Variants in KCTD3 observed in about 807,000 individuals in gnomAD.
KCTD3 encodes BTB/POZ domain-containing protein KCTD3.
KCTD3 carries 41 observed loss-of-function variants against 85.8 expected under a neutral mutation model. The ratio of observed to expected loss-of-function variants is 0.48; its 90% CI spans 0.37 to 0.62. The LOEUF (loss-of-function observed/expected upper bound fraction) is 0.62. Ranked by LOEUF, KCTD3 falls within the 20% of genes least tolerant of loss-of-function variation. The pLI is 0.00. For missense variants in KCTD3, 724 were observed against 989.9 expected, an observed-to-expected ratio of 0.73 and a Z score of 3.60; for synonymous variants, 338 against 345.4, an observed-to-expected ratio of 0.98 and a Z score of 0.24.
chr1:215,581,833 AAG>A (rs1659836580), intron 8 of KCTD3, among the ~76,000 whole-genome samples: 1 of 152,250 alleles, frequency 6.6e-6, no homozygotes, highest in South Asian at 2.1e-4. Context: ...TTTCAAAAGA[AAG>A]AAAAATATTT....
chr1:215,617,071 C>G lies in KCTD3; in HGVS notation c.1563-1815C>G, dbSNP rs533629587. Among the ~76,000 whole-genome samples the G allele has an allele frequency of 2.7e-3, 406 of 152,316 alleles. 1 individual carries two copies. Among genetic ancestry groups the G allele is most frequent in the Admixed American group, 5.6e-3 (85 of 15,306 alleles). ...GCCATTATAAAATAATAATAATAAA[C>G]TGAGTTCAGAGCGCTTCCAGATAGC... is the stretch of plus-strand genomic sequence containing the variant. On this transcript the variant is annotated intron_variant, in intron 15 of 17. Coordinates refer to ENST00000259154, the MANE Select transcript of KCTD3 (RefSeq NM_016121.5).
In KCTD3 at chr1:215,618,948, A is replaced by G; in HGVS notation, c.1625A>G (p.Glu542Gly). ...TISSFTVREC[E>G]GSSRMGSRPR... Reference sequence around the variant, plus strand: ...TCCTCATTTACAGTGAGGGAATGTGAGGGATCCAGTAGGATGGGCTCAAGA... The same window carrying G: ...TCCTCATTTACAGTGAGGGAATGTGGGGGATCCAGTAGGATGGGCTCAAGA... The change falls in exon 16 of 18, where the codon GAG becomes GGG. Residue 542 changes from glutamate to glycine, a missense_variant. Glu to Gly is a moderately conservative substitution (Grantham distance 98). Transcript: ENST00000259154. 6.2e-7 allele frequency: 1 copy of G among 1,613,672 alleles called. No individual in the cohort carries two copies.
intron 10 of KCTD3, among the ~76,000 whole-genome samples, chr1:215,600,483 G>A (rs2797393): frequency 0.45 from 67,976 of 151,892 alleles, 17,079 homozygotes; most frequent in African/African-American, 0.68. Context: ...TGAGATGGCA[G>A]TTCTTCCCCT....
chr1:215,571,419 G>A (rs1389001331), intron 1 of KCTD3, among the ~76,000 whole-genome samples: 1 of 152,124 alleles, frequency 6.6e-6, no homozygotes, highest in Non-Finnish European at 1.5e-5. Context: ...ATGGGCGTAG[G>A]AACTGCTTAT....
intron 6 of KCTD3, among the ~76,000 whole-genome samples, 192 bp from the exon 7 acceptor site, chr1:215,578,808 C>T (rs1434561403): frequency 6.6e-6 from 1 of 151,636 alleles, no homozygotes; most frequent in East Asian, 1.9e-4. Context: ...AGAATTTTGT[C>T]TTTGTCTTTG....
In KCTD3 at chr1:215,586,884, CT is replaced by C. The variant is rs978928407; in HGVS notation, c.817+202del. Among the ~76,000 whole-genome samples, 8 of 152,244 alleles carry C rather than the reference CT, an allele frequency of 5.3e-5. No homozygotes were observed. The East Asian group carries it at 9.7e-4, about 18-fold the overall frequency. Reference sequence around the variant, plus strand: ...AGACATGGGGAACATCTTTTCACCACTTTAAGTGAAACCTGGCTGCTCTATG... The same window carrying C: ...AGACATGGGGAACATCTTTTCACCACTTAAGTGAAACCTGGCTGCTCTATG... On this transcript the variant is annotated intron_variant, in intron 9 of 17. Coordinates refer to ENST00000259154, the MANE Select transcript of KCTD3 (RefSeq NM_016121.5).
chr1:215,573,941 T>TA, intron 2 of KCTD3, 102 bp downstream of exon 2: 1 of 986,380 alleles, frequency 1.0e-6, no homozygotes, highest in Non-Finnish European at 1.5e-6. Flanking sequence ...GGTTAACTCT[T>TA]AAAATTATAT....
intron 13 of KCTD3, among the ~76,000 whole-genome samples, chr1:215,605,417 C>G (rs1654979552): frequency 6.6e-6 from 1 of 152,114 alleles, no homozygotes; most frequent in Non-Finnish European, 1.5e-5. Context: ...GAGTTTCTAA[C>G]TCTTGCTGGT....
At chr1:215,590,564 A>G (rs1400978124) in intron 9 of KCTD3, among the ~76,000 whole-genome samples, 1 of 151,896 alleles carries the variant, frequency 6.6e-6, no homozygotes, top group African/African-American at 2.4e-5. Flanking sequence ...TTCAGTTTAG[A>G]TATCTTTTAT....
chr1:215,602,077 T>C lies in KCTD3; in HGVS notation c.1022-8T>C. On this transcript the variant is annotated splice_polypyrimidine_tract_variant and splice_region_variant and intron_variant, in intron 11 of 17. Coordinates refer to ENST00000259154, the MANE Select transcript of KCTD3 (RefSeq NM_016121.5). ...ATTTTAATGCTGTTTAAAATTTTTA[T>C]GTTTTAGATATGCAGAAGTTCCCCT... is the stretch of plus-strand genomic sequence containing the variant. 6.5e-7 allele frequency: 1 copy of C among 1,538,196 alleles called. No homozygotes were observed. The highest frequency in any genetic ancestry group is 1.2e-5 in the South Asian group (1 of 86,548).
At chr1:215,588,626 A>G (rs1228537746) in intron 9 of KCTD3, among the ~76,000 whole-genome samples, 1 of 152,110 alleles carries the variant, frequency 6.6e-6, no homozygotes, top group Non-Finnish European at 1.5e-5. Context: ...AATTCATATA[A>G]GTTTTCAACA....
rs1341588126 is a variant in KCTD3 at position 215,569,620 on chromosome 1, G to C, written c.83+1852G>C. 2.2e-5 allele frequency among the ~76,000 whole-genome samples: 3 copies of C among 136,916 alleles called. No homozygotes were observed. The Admixed American group carries it at 2.3e-4, about 11-fold the overall frequency. 89.8% of individuals were successfully genotyped at this position (136,916 alleles called of 152,430 possible). A position where few individuals can be genotyped will look rare whatever the true frequency, so the allele number is the denominator to read the frequency against. ...TTTTTTTTTTTTTTTTTTTGAGACAGAGTCTCGCTCTGTCATCCAGGCTGG... is the reference window on the plus strand; with the variant it reads ...TTTTTTTTTTTTTTTTTTTGAGACACAGTCTCGCTCTGTCATCCAGGCTGG... On this transcript the variant is annotated intron_variant, in intron 1 of 17. Coordinates refer to ENST00000259154, the MANE Select transcript of KCTD3 (RefSeq NM_016121.5).
intron 8 of KCTD3, among the ~76,000 whole-genome samples, chr1:215,582,956 A>G (rs1217250810): frequency 6.6e-6 from 1 of 152,190 alleles, no homozygotes; most frequent in Non-Finnish European, 1.5e-5. Flanking sequence ...GTAAATTCAC[A>G]TATCTTATTA....
rs191965347 is a variant in KCTD3, at chr1:215,594,573, C to A, written c.818-783C>A. Among the ~76,000 whole-genome samples, 275 of 152,294 alleles carry A rather than the reference C, an allele frequency of 1.8e-3. 3 individuals are homozygous for A. Among genetic ancestry groups the A allele is most frequent in the African/African-American group, 6.1e-3 (255 of 41,574 alleles). ...CTAAGATATATTTTCAACCCCCTTT[C>A]CATACCCTTTTTACCCCATAGATAC... On this transcript the variant is annotated intron_variant, in intron 9 of 17. Coordinates refer to ENST00000259154, the MANE Select transcript of KCTD3 (RefSeq NM_016121.5).
chr1:215,587,795 T>C (rs139810472), intron 9 of KCTD3, among the ~76,000 whole-genome samples: 3 of 152,358 alleles, frequency 2.0e-5, no homozygotes, highest in East Asian at 1.9e-4. Flanking sequence ...CAGTGAACTT[T>C]TCATATTCTG....
chr1:215,604,822 T>C (rs1654953194), intron 13 of KCTD3, among the ~76,000 whole-genome samples: 1 of 151,890 alleles, frequency 6.6e-6, no homozygotes, highest in East Asian at 1.9e-4. Flanking sequence ...ATGTGTATTT[T>C]GATATTTTGT....
intron 12 of KCTD3, 86 bp downstream of exon 12, chr1:215,602,287 GTTTA>G (rs1654860947): frequency 1.5e-6 from 1 of 673,110 alleles, no homozygotes; most frequent in Non-Finnish European, 2.6e-6. Context: ...AATTAAACTG[GTTTA>G]TTTCTTTTTG....
In KCTD3 at chr1:215,618,975, C is replaced by T. The variant is rs1161466641; in HGVS notation, c.1652C>T (p.Pro551Leu). 1.2e-5 allele frequency: 19 copies of T among 1,613,720 alleles called. No homozygotes were observed. Among genetic ancestry groups the T allele is most frequent in the Non-Finnish European group, 1.6e-5 (19 of 1,179,872 alleles). ...CEGSSRMGSR[P>L]RRYLFTGHTN... ...GGATCCAGTAGGATGGGCTCAAGAC[C>T]AAGGCGCTACTTGTTCACAGGCCAT... The change falls in exon 16 of 18, where the codon CCA (proline) becomes CTA (leucine). Residue 551 changes from proline (P) to leucine (L), a missense_variant. Coordinates refer to ENST00000259154, the MANE Select transcript of KCTD3 (RefSeq NM_016121.5).
intron 8 of KCTD3, among the ~76,000 whole-genome samples, chr1:215,582,391 T>C (rs1017440372): frequency 6.6e-6 from 1 of 152,232 alleles, no homozygotes; most frequent in Non-Finnish European, 1.5e-5. Context: ...TACTGTATTT[T>C]ATTGAGGTCT....
Sources: allele counts gnomAD v4.1 joint callset (sites outside exome capture counted in the v4.1 genomes callset), GRCh38; gene constraint gnomAD v4.1.1; transcripts MANE v1.5; gene names NCBI Gene and HGNC (gene_info 2026-07-23, HGNC 2026-07-21).